The following SCTR variants were observed in gnomAD, a reference collection of about 807,000 sequenced individuals.
SCTR encodes secretin receptor, also known as pancreatic secretin receptor.
SCTR carries 56 observed loss-of-function variants against 60.8 expected under a neutral mutation model. The observed-to-expected ratio is 0.92, with a 90% confidence interval of 0.74 to 1.15. The LOEUF (loss-of-function observed/expected upper bound fraction) is 1.15, where lower values mean the gene tolerates loss of function less well. SCTR is among the 50% of genes most tolerant of loss of function. The pLI is 0.00. For missense variants in SCTR, 562 were observed against 550.4 expected (o/e 1.02, Z -0.21); for synonymous variants, 202 against 217.0 (o/e 0.93, Z 0.61).
At chr2:119,454,658 A>C (rs1157534120) in intron 7 of SCTR, among the ~76,000 whole-genome samples, 1 of 152,178 alleles carries the variant, frequency 6.6e-6, no homozygotes, top group East Asian at 1.9e-4. Flanking sequence ...GTTCGAGACC[A>C]GCCTGGCCAA....
chr2:119,460,051 T>C (rs1375280678), intron 7 of SCTR, among the ~76,000 whole-genome samples: 2 of 151,846 alleles, frequency 1.3e-5, no homozygotes, highest in African/African-American at 4.8e-5. Context: ...GGTCAGGTGC[T>C]GACTGGGCTG....
At position 119,449,052 on chromosome 2, in the gene SCTR, G is replaced by A. The variant is rs189207946; in HGVS notation, c.922-272C>T. Among the ~76,000 whole-genome samples, 112 of 152,316 alleles carry A rather than the reference G, an allele frequency of 7.4e-4. 1 individual carries two copies. Among genetic ancestry groups the A allele is most frequent in the South Asian group, 1.2e-3 (6 of 4,820 alleles). ...TAGTTGCAAGGCAGATCACTCACCC[G>A]TGCAGAGCATTGGAAGCCCCCGGGG... On this transcript the variant is annotated intron_variant, in intron 9 of 12. Coordinates refer to ENST00000019103, the MANE Select transcript of SCTR (RefSeq NM_002980.3).
intron 1 of SCTR, among the ~76,000 whole-genome samples, chr2:119,498,075 C>A (rs924281498): frequency 2.0e-5 from 3 of 152,052 alleles, no homozygotes; most frequent in Non-Finnish European, 1.5e-5. Flanking sequence ...AAGTCCACAC[C>A]AAGGCACATT....
chr2:119,505,010 C>T (rs1316929200), intron 1 of SCTR, among the ~76,000 whole-genome samples: 1 of 152,052 alleles, frequency 6.6e-6, no homozygotes, highest in African/African-American at 2.4e-5. Context: ...CAATGGCGAT[C>T]ATTAAAAAGT....
rs1307598019 is a variant in SCTR, at chr2:119,524,424, G to A, written c.-198C>T. On this transcript the variant is annotated 5_prime_UTR_variant, in exon 1 of 13. Transcript: ENST00000019103. Reference sequence around the variant, plus strand: ...ACCAGGTGGCCGCGCGCGCTAAGCCGCCCGCCCCATTGATCAGGACGCGGC... The same window carrying A: ...ACCAGGTGGCCGCGCGCGCTAAGCCACCCGCCCCATTGATCAGGACGCGGC... 1.3e-5 allele frequency: 5 copies of A among 381,064 alleles called. No individual in the cohort carries two copies. In the East Asian group the frequency reaches 1.6e-4, roughly 12 times the overall value. 23.6% of individuals were successfully genotyped at this position (381,064 alleles called of 1,614,324 possible).
chr2:119,465,690 A>G, intron 5 of SCTR, 99 bp downstream of exon 5: 3 of 812,340 alleles, frequency 3.7e-6, no homozygotes, highest in Non-Finnish European at 6.4e-6. Flanking sequence ...AAGGTAGTTC[A>G]CTCAGACCTT....
intron 1 of SCTR, among the ~76,000 whole-genome samples, chr2:119,519,370 G>C (rs1274643534): frequency 6.6e-6 from 1 of 152,184 alleles, no homozygotes; most frequent in East Asian, 1.9e-4. Flanking sequence ...TAAATGCTGT[G>C]TGTAACTCAG....
chr2:119,481,331 C>A (rs898569970), intron 2 of SCTR, among the ~76,000 whole-genome samples: 1 of 152,212 alleles, frequency 6.6e-6, no homozygotes, highest in Admixed American at 6.5e-5. Context: ...TGAAATCTCC[C>A]TGGTGACCTG....
In SCTR at chr2:119,466,275, T is replaced by A. The variant is rs1039300191; in HGVS notation, c.406-389A>T. 2.0e-5 allele frequency among the ~76,000 whole-genome samples: 3 copies of A among 152,316 alleles called. No individual in the cohort carries two copies. In the East Asian group the frequency reaches 5.8e-4, roughly 29 times the overall value. On this transcript the variant is annotated intron_variant, in intron 4 of 12. Transcript: ENST00000019103. The stretch of plus-strand genomic sequence containing the variant: ...AGATTTTGTTTATGTGAAGCTAAAA[T>A]CAATTACTTGCACCACCTATTGGTC...
intron 7 of SCTR, among the ~76,000 whole-genome samples, chr2:119,461,596 A>G (rs1683604658): frequency 6.6e-6 from 1 of 152,010 alleles, no homozygotes. Flanking sequence ...CTGTAATCCC[A>G]GCTACTTGGG....
At chr2:119,441,721 C>T (rs1682663998) in intron 11 of SCTR, 122 bp from the exon 12 acceptor site, 3 of 835,714 alleles carry the variant, frequency 3.6e-6, no homozygotes, top group South Asian at 1.5e-5. Flanking sequence ...TTCCCCACCT[C>T]TCTTGCCTCA....
At chr2:119,446,480 T>C (rs1402686861) in intron 11 of SCTR, among the ~76,000 whole-genome samples, 2 of 152,182 alleles carry the variant, frequency 1.3e-5, no homozygotes, top group African/African-American at 4.8e-5. Flanking sequence ...TATATGTTAT[T>C]GAGAGTTGTA....
At chr2:119,502,677 A>G (rs954702748) in intron 1 of SCTR, among the ~76,000 whole-genome samples, 10 of 152,112 alleles carry the variant, frequency 6.6e-5, no homozygotes, top group Admixed American at 2.0e-4. Context: ...CATACAATTG[A>G]TGATTATCCA....
At chr2:119,473,410 G>A (rs1336970736) in intron 4 of SCTR, 43 bp downstream of exon 4, 1 of 1,401,364 alleles carries the variant, frequency 7.1e-7, no homozygotes, top group Admixed American at 1.7e-5. Flanking sequence ...CACCCTATAG[G>A]TTCCTGTCCC....
In SCTR at chr2:119,442,153, G is replaced by A. The variant is rs1021183273; in HGVS notation, c.1141-554C>T. 5.3e-5 allele frequency among the ~76,000 whole-genome samples: 8 copies of A among 152,212 alleles called. No individual in the cohort carries two copies. The South Asian group carries it at 1.0e-3, about 20-fold the overall frequency. On this transcript the variant is annotated intron_variant, in intron 11 of 12. Transcript: ENST00000019103. ...TTAATGGACAGGTGGGTGCACCTCC[G>A]TGCTCAGAGTTTTATGTTCCCTGGT...
chr2:119,493,287 CA>C (rs1678208455), intron 2 of SCTR, among the ~76,000 whole-genome samples: 1 of 152,194 alleles, frequency 6.6e-6, no homozygotes, highest in African/African-American at 2.4e-5. Context: ...GGATAAACCA[CA>C]TTTTGTTTAT....
At chr2:119,462,071 G>T (rs1409672170) in intron 6 of SCTR, 71 bp from the exon 7 acceptor site, 2 of 1,461,208 alleles carry the variant, frequency 1.4e-6, no homozygotes, top group Non-Finnish European at 1.8e-6. Context: ...GGCCCCAAAG[G>T]GAGCAACAGG....
Position 119,524,234 on chromosome 2 carries a change from GCA to G in SCTR, c.-10_-9del. 1 of 1,451,952 alleles carries G rather than the reference GCA, an allele frequency of 6.9e-7. No homozygotes were observed. Among genetic ancestry groups the G allele is most frequent in the Non-Finnish European group, 9.1e-7 (1 of 1,099,930 alleles). The allele number at this position is 1,451,952 out of a possible 1,614,324, so 89.9% of individuals were successfully genotyped here. A position where few individuals can be genotyped will look rare whatever the true frequency, so the allele number is the denominator to read the frequency against. On this transcript the variant is annotated 5_prime_UTR_variant, in exon 1 of 13. Transcript: ENST00000019103. ...CGACAGGTGGGGACGCATGGTGCCC[GCA>G]CGTTCCCCGAGGGCGCCCCGACGTC...
intron 8 of SCTR, among the ~76,000 whole-genome samples, chr2:119,452,659 G>T (rs950175419): frequency 6.6e-6 from 1 of 152,056 alleles, no homozygotes; most frequent in Non-Finnish European, 1.5e-5. Context: ...AATTATTTCG[G>T]GCTAAATTTG....
Sources: allele counts gnomAD v4.1 joint callset (sites outside exome capture counted in the v4.1 genomes callset), GRCh38; gene constraint gnomAD v4.1.1; transcripts MANE v1.5; gene names NCBI Gene and HGNC (gene_info 2026-07-23, HGNC 2026-07-21).